The following NPC1 variants were observed in gnomAD, a reference collection of about 807,000 sequenced individuals.
NPC1 encodes the protein Niemann-Pick C1 protein.
A neutral mutation model predicts 140.4 loss-of-function variants in NPC1; 85 were observed. The ratio of observed to expected loss-of-function variants is 0.61; its 90% confidence interval spans 0.51 to 0.72. NPC1 has a LOEUF of 0.72. Ranked by LOEUF, NPC1 falls within the 30% of genes least tolerant of loss-of-function variation. The pLI is 0.00. For synonymous variants in NPC1, 656 were observed against 624.8 expected (o/e 1.05, Z -0.74); for missense variants, 1,504 against 1,623.8 (o/e 0.93, Z 1.27).
At chr18:23,577,794 C>T (rs560649960) in intron 1 of NPC1, among the ~76,000 whole-genome samples, 2 of 152,354 alleles carry the variant, frequency 1.3e-5, no homozygotes, top group African/African-American at 4.8e-5. Context: ...CAGCCAAGGC[C>T]CAGCGAGAAA....
Position 23,544,954 on chromosome 18 carries a change from GCT to G in NPC1, c.1947+4_1947+5del. The G allele has an allele frequency of 5.0e-6, 6 of 1,204,566 alleles. No homozygotes were observed. Among genetic ancestry groups the G allele is most frequent in the East Asian group, 2.8e-5 (1 of 35,544 alleles). 74.6% of individuals were successfully genotyped at this position (1,204,566 alleles called of 1,614,324 possible). ...CTAGAACATACACCACCCCCCCCCG[GCT>G]TACCAGAAGCCTGCGACAGCTTTTC... On this transcript the variant is annotated splice_donor_5th_base_variant and intron_variant, in intron 12 of 24. Transcript: ENST00000269228.
At position 23,538,788 on chromosome 18, in the gene NPC1, T is replaced by C. The variant is rs2282559; in HGVS notation, c.2912-117A>G. On this transcript the variant is annotated intron_variant, in intron 19 of 24. Transcript: ENST00000269228. ...TTTCTTCTCTATCGATTACTTTCCTTACTAGTGAGGGATAATCTTTCCCCT... is the reference window on the plus strand; with the variant it reads ...TTTCTTCTCTATCGATTACTTTCCTCACTAGTGAGGGATAATCTTTCCCCT... 805 of 1,079,990 alleles carry C rather than the reference T, an allele frequency of 7.5e-4. 10 individuals are homozygous for C. In the East Asian group the frequency reaches 0.018, roughly 24 times the overall value. 66.9% of individuals were successfully genotyped at this position (1,079,990 alleles called of 1,614,324 possible).
At chr18:23,543,836 T>C (rs2058746289) in intron 13 of NPC1, among the ~76,000 whole-genome samples, 1 of 152,180 alleles carries the variant, frequency 6.6e-6, no homozygotes, top group African/African-American at 2.4e-5. Flanking sequence ...GGCAGGGGAC[T>C]GGACCAGTGA....
At chr18:23,567,310 A>C (rs1192500971) in intron 4 of NPC1, among the ~76,000 whole-genome samples, 1 of 152,168 alleles carries the variant, frequency 6.6e-6, no homozygotes, top group Admixed American at 6.5e-5. Flanking sequence ...TGGTGTTGAA[A>C]GCGTCTTGAA....
chr18:23,583,249 T>C (rs758349131), intron 1 of NPC1, among the ~76,000 whole-genome samples: 3 of 152,166 alleles, frequency 2.0e-5, no homozygotes, highest in Non-Finnish European at 2.9e-5. Context: ...ACAAGCATAG[T>C]TGGCACAGTT....
intron 21 of NPC1, 50 bp downstream of exon 21, chr18:23,536,623 A>G: frequency 6.6e-7 from 1 of 1,519,410 alleles, no homozygotes; most frequent in Non-Finnish European, 9.1e-7. Flanking sequence ...ACTCCCACCC[A>G]GTGTAGGCCC....
downstream of NPC1, chr18:23,519,106 A>C (rs372391248): frequency 1.2e-6 from 2 of 1,614,102 alleles, no homozygotes; most frequent in African/African-American, 1.3e-5. Context: ...ATTGAAGTTA[A>C]ATAGGACGGG....
chr18:23,566,558 AAC>A (rs909989424), intron 4 of NPC1, among the ~76,000 whole-genome samples: 9 of 149,166 alleles, frequency 6.0e-5, no homozygotes, highest in East Asian at 2.0e-4. Flanking sequence ...CAGCCTCACC[AAC>A]ACAGTGAGGC....
At chr18:23,543,349 A>AG in intron 14 of NPC1, 106 bp downstream of exon 14, 2 of 642,798 alleles carry the variant, frequency 3.1e-6, no homozygotes, top group South Asian at 1.8e-5. Flanking sequence ...AAAAAAAAGA[A>AG]AAAAAAAAAA....
At chr18:23,547,892 A>T (rs1460864650) in intron 11 of NPC1, 114 bp downstream of exon 11, 34 of 788,512 alleles carry the variant, frequency 4.3e-5, no homozygotes, top group Non-Finnish European at 7.4e-5. Flanking sequence ...GAACAAAACT[A>T]CGTAACTCAG....
intron 1 of NPC1, chr18:23,522,947 G>T (rs1042669260): frequency 6.6e-6 from 1 of 152,280 alleles, no homozygotes; most frequent in African/African-American, 2.4e-5. Context: ...GGAAGAGTCA[G>T]CCACCCTTTT....
intron 1 of NPC1, among the ~76,000 whole-genome samples, chr18:23,582,829 G>A (rs927822006): frequency 1.3e-5 from 2 of 151,500 alleles, no homozygotes; most frequent in African/African-American, 2.4e-5. Context: ...AAAGATTCCA[G>A]GGCCAGCACG....
chr18:23,575,651 G>A (rs1376729670), intron 1 of NPC1, among the ~76,000 whole-genome samples: 2 of 151,436 alleles, frequency 1.3e-5, no homozygotes, highest in Admixed American at 6.6e-5. Flanking sequence ...TTGAGACCTC[G>A]GCAAAGAGGT....
chr18:23,532,032 A>AAGTC lies in NPC1; in HGVS notation c.*166_*169dup, dbSNP rs2058527389. ...TCCAGATCTAGTAATACTGCTTCCC[A>AAGTC]AGTCAACTGTGCATTCCTGAGTTCA... On this transcript the variant is annotated 3_prime_UTR_variant, in exon 25 of 25. Transcript: ENST00000269228. 6.5e-7 allele frequency: 1 copy of AAGTC among 1,544,382 alleles called. No individual in the cohort carries two copies. Among genetic ancestry groups the AAGTC allele is most frequent in the African/African-American group, 1.4e-5 (1 of 72,808 alleles).
rs1462971974 is a variant in NPC1, at chr18:23,531,511, T to G, written c.*691A>C. 2.1e-5 allele frequency: 32 copies of G among 1,499,540 alleles called. No homozygotes were observed. Among genetic ancestry groups the G allele is most frequent in the Non-Finnish European group, 2.8e-5 (32 of 1,131,982 alleles). 92.9% of individuals were successfully genotyped at this position (1,499,540 alleles called of 1,614,324 possible). On this transcript the variant is annotated 3_prime_UTR_variant, in exon 25 of 25. Transcript: ENST00000269228. ...GTAACCCCAAAACTTAGGAAAACAA[T>G]GTATTTTATTAAAGAAAAATAAGTT...
At chr18:23,506,348 T>G (rs920975952) in exon 4 of NPC1, 2 of 152,176 alleles carry the variant, frequency 1.3e-5, no homozygotes, top group African/African-American at 2.4e-5. Flanking sequence ...TGGGCCCTTC[T>G]GTAATCCATC....
chr18:23,510,115 G>C (rs2057813604), intron 3 of NPC1, among the ~76,000 whole-genome samples: 2 of 151,548 alleles, frequency 1.3e-5, no homozygotes, highest in Non-Finnish European at 2.9e-5. Context: ...TTGAGTCCAG[G>C]AGTCTGAGAC....
intron 2 of NPC1, 85 bp downstream of exon 2, chr18:23,573,367 A>C: frequency 6.3e-7 from 1 of 1,579,652 alleles, no homozygotes; most frequent in Non-Finnish European, 8.7e-7. Context: ...CTCCACCTCC[A>C]CCCTGCAATA....
chr18:23,541,907 C>T (rs1041506754), intron 14 of NPC1, among the ~76,000 whole-genome samples: 1 of 152,150 alleles, frequency 6.6e-6, no homozygotes, highest in African/African-American at 2.4e-5. Context: ...ACTGGCAGCC[C>T]ATGAATCAGA....
Sources: gnomAD v4.1 joint callset for allele counts (sites outside exome capture counted in the v4.1 genomes callset) on GRCh38, gnomAD v4.1.1 for gene constraint, MANE v1.5 for transcripts, NCBI Gene and HGNC (gene_info 2026-07-23, HGNC 2026-07-21) for gene names.